Variants in DMD observed in about 807,000 individuals in gnomAD.
The protein encoded by DMD is mutant dystrophin.
In DMD, 63 loss-of-function variants were observed where a neutral mutation model predicts 330.1. That is an observed-to-expected ratio of 0.19 (90% CI 0.16 to 0.24). The LOEUF (loss-of-function observed/expected upper bound fraction) is 0.24. Ranked by LOEUF, DMD falls within the 10% of genes least tolerant of loss-of-function variation. DMD has a pLI of 1.00. For synonymous variants in DMD, 1,223 were observed against 959.8 expected (o/e 1.27, Z -5.07); for missense variants, 3,344 against 2,684.1 (o/e 1.25, Z -5.43).
At chrX:32,568,859 C>A (rs1259140545) in intron 15 of DMD, among the ~76,000 whole-genome samples, 1 of 111,933 alleles carries the variant, frequency 8.9e-6, no homozygotes, top group Non-Finnish European at 1.9e-5. Context: ...TCCTGTCTAT[C>A]CATTGATGCT....
intron 43 of DMD, among the ~76,000 whole-genome samples, chrX:32,226,838 C>T (rs754217929): frequency 5.5e-5 from 6 of 109,966 alleles, no homozygotes; most frequent in Non-Finnish European, 9.5e-5. Flanking sequence ...TTTTTAATAC[C>T]GACACAGAAT....
chrX:33,292,465 AT>A (rs1448141218), intron 1 of DMD, among the ~76,000 whole-genome samples: 60 of 111,281 alleles, frequency 5.4e-4, no homozygotes, highest in Admixed American at 2.3e-3. Context: ...TAGTACATTG[AT>A]TCTTATCCAA....
chrX:32,496,349 G>A (rs938322367), intron 19 of DMD, among the ~76,000 whole-genome samples: 4 of 111,824 alleles, frequency 3.6e-5, no homozygotes, highest in Admixed American at 1.9e-4. Flanking sequence ...AGCATTCAAT[G>A]TAATAGTCTA....
At chrX:33,195,518 C>T (rs73623923) in intron 1 of DMD, among the ~76,000 whole-genome samples, 224 of 111,736 alleles carry the variant, frequency 2.0e-3, no homozygotes, top group African/African-American at 7.0e-3. Flanking sequence ...AAGGAATCCC[C>T]ACAAATTGGG....
At chrX:32,441,360 GTAAA>G in intron 27 of DMD, 46 bp from the exon 28 acceptor site, 3 of 1,158,680 alleles carry the variant, frequency 2.6e-6, no homozygotes, top group Non-Finnish European at 2.3e-6. Context: ...TGGTAGAAAA[GTAAA>G]TGTGAAATTT....
chrX:31,147,284 C>T lies in DMD; in HGVS notation c.10788G>A (p.Leu3596=), dbSNP rs762965008. ...LESQLHRLRQ[L]LEQPQAEAKV... ...CCATCTCTCTCCTCACTTGCTCCAG[C>T]AGCTGCCTTAGCCTGTGTAACTGTG... is the stretch of plus-strand genomic sequence containing the variant. The change falls in exon 75 of 79, where the codon CTG becomes CTA. Residue 3596 remains leucine (L), a synonymous_variant. Transcript: ENST00000357033. 2 of 1,210,882 alleles carry T rather than the reference C, an allele frequency of 1.7e-6. No homozygotes were observed. Among genetic ancestry groups the T allele is most frequent in the Non-Finnish European group, 2.2e-6 (2 of 895,026 alleles).
chrX:32,771,822 T>C (rs1317814734), intron 7 of DMD, among the ~76,000 whole-genome samples: 1 of 112,071 alleles, frequency 8.9e-6, no homozygotes, highest in Admixed American at 9.5e-5. Context: ...GATTTTGTTT[T>C]ATCTTTGAGG....
intron 50 of DMD, among the ~76,000 whole-genome samples, chrX:31,787,912 T>A (rs1465176408): frequency 2.7e-5 from 3 of 112,155 alleles, no homozygotes; most frequent in Non-Finnish European, 5.6e-5. Context: ...AACACTTACG[T>A]AGGAAAAATT....
chrX:32,379,218 T>C lies in DMD; in HGVS notation c.4845+1292A>G, dbSNP rs1357590107. Among the ~76,000 whole-genome samples, 29 of 109,688 alleles carry C rather than the reference T, an allele frequency of 2.6e-4. No individual in the cohort carries two copies. The Admixed American group carries it at 2.9e-3, about 11-fold the overall frequency. On this transcript the variant is annotated intron_variant, in intron 34 of 78. Coordinates refer to ENST00000357033, the MANE Select transcript of DMD (RefSeq NM_004006.3). ...TGCCAGTTTTCTAAGCTTTTTTTTT[T>C]TCCTACTAGATCTCACAGTAGCTTT...
intron 29 of DMD, among the ~76,000 whole-genome samples, chrX:32,432,521 T>G (rs547815065): frequency 1.8e-5 from 2 of 112,116 alleles, no homozygotes; most frequent in East Asian, 5.6e-4. Context: ...TACAGAAGAC[T>G]TAGCTGTCCT....
intron 1 of DMD, among the ~76,000 whole-genome samples, chrX:33,243,406 T>C (rs953739043): frequency 8.9e-6 from 1 of 111,908 alleles, no homozygotes; most frequent in African/African-American, 3.2e-5. Flanking sequence ...AATCTCCACA[T>C]GTTGGCAAGG....
intron 2 of DMD, among the ~76,000 whole-genome samples, chrX:32,927,958 C>T (rs1204242797): frequency 9.0e-6 from 1 of 110,690 alleles, no homozygotes; most frequent in Non-Finnish European, 1.9e-5. Flanking sequence ...GCCTGTGAGC[C>T]CTCAAAAATA....
At chrX:32,355,562 C>A (rs1278441155) in intron 37 of DMD, among the ~76,000 whole-genome samples, 1 of 111,725 alleles carries the variant, frequency 9.0e-6, no homozygotes, top group East Asian at 2.8e-4. Flanking sequence ...AATTACACAT[C>A]TACTTTAAAA....
chrX:33,079,764 A>G (rs1027238040), intron 1 of DMD, among the ~76,000 whole-genome samples: 1 of 111,789 alleles, frequency 8.9e-6, no homozygotes, highest in Admixed American at 9.6e-5. Flanking sequence ...CCAGGTCACC[A>G]TAAGTCATTC....
intron 2 of DMD, 129 bp from the exon 3 acceptor site, chrX:32,849,949 A>T: frequency 1.8e-6 from 1 of 555,647 alleles, no homozygotes; most frequent in East Asian, 3.7e-5. Flanking sequence ...TCTGCCGAAG[A>T]TGACGGATGA....
At chrX:32,161,490 A>AT (rs1370299965) in intron 44 of DMD, among the ~76,000 whole-genome samples, 2 of 111,842 alleles carry the variant, frequency 1.8e-5, no homozygotes, top group African/African-American at 3.3e-5. Context: ...TTTTATTTAC[A>AT]TAATAGCAAT....
Position 31,668,697 on chromosome X carries a change from A to C in DMD, c.7873-10553T>G, listed in dbSNP as rs761102401. On this transcript the variant is annotated intron_variant, in intron 53 of 78. Coordinates refer to ENST00000357033, the MANE Select transcript of DMD (RefSeq NM_004006.3). ...CTATGGTCACCAGGTTGTGTCATAA[A>C]GTCTCAAAAACTTATTCCTCCTGAC... 2.2e-4 allele frequency among the ~76,000 whole-genome samples: 25 copies of C among 111,379 alleles called. No individual in the cohort carries two copies. In the East Asian group the frequency reaches 7.0e-3, roughly 31 times the overall value.
At chrX:32,651,948 G>C (rs1440651057) in intron 9 of DMD, among the ~76,000 whole-genome samples, 1 of 111,520 alleles carries the variant, frequency 9.0e-6, no homozygotes, top group Non-Finnish European at 1.9e-5. Flanking sequence ...ATTTGCCTTT[G>C]ATGTTAAATG....
chrX:32,538,832 G>T (rs1249661001), intron 17 of DMD, among the ~76,000 whole-genome samples: 8 of 110,981 alleles, frequency 7.2e-5, no homozygotes, highest in Non-Finnish European at 1.3e-4. Flanking sequence ...CAGTGCGAGG[G>T]TTCTCAAATT....
Sources: gnomAD v4.1 joint callset for allele counts (sites outside exome capture counted in the v4.1 genomes callset) on GRCh38, gnomAD v4.1.1 for gene constraint, MANE v1.5 for transcripts, NCBI Gene and HGNC (gene_info 2026-07-23, HGNC 2026-07-21) for gene names.